The following FIRRM variants were observed in gnomAD, a reference collection of about 807,000 sequenced individuals.
FIRRM encodes the protein FIGNL1 interacting regulator of recombination and mitosis.
the FIRRM span, among the ~76,000 whole-genome samples, chr1:169,808,235 C>G: frequency 1.3e-5 from 2 of 152,022 alleles, no homozygotes; most frequent in Non-Finnish European, 2.9e-5. Context: ...AACAAAAATT[C>G]TTTTGTTCAT....
At chr1:169,809,322 C>T in the FIRRM span, among the ~76,000 whole-genome samples, 2 of 152,084 alleles carry the variant, frequency 1.3e-5, no homozygotes, top group Non-Finnish European at 2.9e-5. Context: ...TCTTACCTTG[C>T]TAAAAGGAGA....
the FIRRM span, among the ~76,000 whole-genome samples, chr1:169,818,983 C>T: frequency 6.6e-6 from 1 of 152,242 alleles, no homozygotes; most frequent in Admixed American, 6.5e-5. Context: ...TCACCCCTGG[C>T]TCATTTGCCA....
chr1:169,834,640 C>T, the FIRRM span, among the ~76,000 whole-genome samples: 367 of 152,054 alleles, frequency 2.4e-3, 4 homozygotes, highest in African/African-American at 8.2e-3. Context: ...AACAATAGCT[C>T]GAGGAAATTA....
the FIRRM span, among the ~76,000 whole-genome samples, chr1:169,799,700 C>G: frequency 6.6e-6 from 1 of 151,980 alleles, no homozygotes; most frequent in Non-Finnish European, 1.5e-5. Context: ...TACAGGCATG[C>G]TTCACCACGC....
the FIRRM span, among the ~76,000 whole-genome samples, chr1:169,788,383 AAT>A: frequency 4.6e-5 from 7 of 152,200 alleles, no homozygotes; most frequent in African/African-American, 9.7e-5. Flanking sequence ...GTGAATAGTA[AAT>A]ATGTTTTCTC....
At chr1:169,805,110 A>G in the FIRRM span, among the ~76,000 whole-genome samples, 1 of 152,266 alleles carries the variant, frequency 6.6e-6, no homozygotes, top group Non-Finnish European at 1.5e-5. Context: ...AAACTTTGGT[A>G]TAAAGAGAGT....
At chr1:169,841,901 G>A in the FIRRM span, among the ~76,000 whole-genome samples, 26 of 152,018 alleles carry the variant, frequency 1.7e-4, no homozygotes, top group Admixed American at 1.0e-3. Flanking sequence ...TTTATGGCTG[G>A]GTGCGGTGGC....
At chr1:169,853,793 C>A in the FIRRM span, 3 of 1,612,396 alleles carry the variant, frequency 1.9e-6, no homozygotes, top group South Asian at 2.2e-5. Context: ...ATAAAGCACA[C>A]CAAGAACCCA....
At chr1:169,793,148 T>G in the FIRRM span, 2 of 1,614,214 alleles carry the variant, frequency 1.2e-6, no homozygotes, top group Non-Finnish European at 1.7e-6. Flanking sequence ...AAATTTCACT[T>G]TGGCCTTTGT....
the FIRRM span, chr1:169,849,537 T>TA: frequency 6.2e-7 from 1 of 1,614,050 alleles, no homozygotes; most frequent in Non-Finnish European, 8.5e-7. Flanking sequence ...ATGTTTGCCT[T>TA]ACTGCTAGCT....
the FIRRM span, among the ~76,000 whole-genome samples, chr1:169,808,471 A>G: frequency 2.0e-5 from 3 of 152,106 alleles, no homozygotes; most frequent in South Asian, 4.1e-4. Context: ...GATTATTGGG[A>G]ATTATAACTC....
the FIRRM span, chr1:169,795,546 A>T: frequency 3.7e-6 from 4 of 1,069,518 alleles, no homozygotes; most frequent in Non-Finnish European, 4.5e-6. Flanking sequence ...TTGCTAGTGG[A>T]TAATGGGGGA....
chr1:169,803,534 T>C, the FIRRM span, among the ~76,000 whole-genome samples: 1 of 152,198 alleles, frequency 6.6e-6, no homozygotes, highest in South Asian at 2.1e-4. Context: ...TTATTTCCCC[T>C]CTATAAAGAA....
chr1:169,852,051 T>C, the FIRRM span: 25 of 1,421,690 alleles, frequency 1.8e-5, no homozygotes, highest in African/African-American at 5.6e-5. Context: ...TCAAATCAAA[T>C]AGATCTAGAC....
At chr1:169,803,312 G>A in the FIRRM span, 1 of 1,613,072 alleles carries the variant, frequency 6.2e-7, no homozygotes, top group African/African-American at 1.3e-5. Context: ...ATTGTAAGGT[G>A]AGTAAAGGTC....
chr1:169,834,114 T>A, the FIRRM span, among the ~76,000 whole-genome samples: 1 of 152,138 alleles, frequency 6.6e-6, no homozygotes, highest in Non-Finnish European at 1.5e-5. Flanking sequence ...CTATGAGGTC[T>A]AGAAGCAGTG....
At chr1:169,836,753 A>G in the FIRRM span, among the ~76,000 whole-genome samples, 2 of 152,234 alleles carry the variant, frequency 1.3e-5, no homozygotes, top group Non-Finnish European at 2.9e-5. Context: ...AGCATCAATA[A>G]CAATAATAAT....
chr1:169,811,604 A>G, the FIRRM span, among the ~76,000 whole-genome samples: 1 of 152,214 alleles, frequency 6.6e-6, no homozygotes, highest in African/African-American at 2.4e-5. Flanking sequence ...GCAGTGAGCC[A>G]TGATCAGGCC....
At chr1:169,797,936 A>C in the FIRRM span, among the ~76,000 whole-genome samples, 1 of 152,170 alleles carries the variant, frequency 6.6e-6, no homozygotes, top group South Asian at 2.1e-4. Flanking sequence ...ATTATTCTTG[A>C]TGGTGTATAT....
Sources: allele counts gnomAD v4.1 joint callset (sites outside exome capture counted in the v4.1 genomes callset), GRCh38; gene constraint gnomAD v4.1.1; transcripts MANE v1.5; gene names NCBI Gene and HGNC (gene_info 2026-07-23, HGNC 2026-07-21).